SH3PXD2B: variants seen among roughly 807,000 people sequenced by gnomAD.
SH3PXD2B encodes SH3 and PX domain-containing protein 2B.
In SH3PXD2B, 37 loss-of-function variants were observed where a neutral mutation model predicts 73.1. The ratio of observed to expected loss-of-function variants is 0.51; its 90% CI spans 0.39 to 0.67. SH3PXD2B has a LOEUF of 0.67. Among genes scored for constraint, SH3PXD2B ranks in the 30% least tolerant of loss-of-function variants. SH3PXD2B has a pLI of 0.00. For synonymous variants in SH3PXD2B, 457 were observed against 480.5 expected (o/e 0.95, Z 0.64); for missense variants, 1,053 against 1,197.8 (o/e 0.88, Z 1.78).
At chr5:172,330,045 G>C (rs1042919126), downstream of SH3PXD2B, among the ~76,000 whole-genome samples, 4 of 152,154 alleles carry the variant, frequency 2.6e-5, no homozygotes, top group East Asian at 7.7e-4. Flanking sequence ...CTTAGGACCA[G>C]AAGTGTTGTG....
In SH3PXD2B at chr5:172,454,265, G is replaced by A; in HGVS notation, c.75+13C>T. On this transcript the variant is annotated intron_variant, in intron 1 of 12. Transcript: ENST00000311601. ...GCGGGCTCAAGGGGGCGTGGGGGCC[G>A]CGCCGCACTCACATAATGCTTGTTG... The A allele has an allele frequency of 6.3e-7, 1 of 1,593,268 alleles. No individual in the cohort carries two copies. Among genetic ancestry groups the A allele is most frequent in the Non-Finnish European group, 8.5e-7 (1 of 1,173,220 alleles).
rs557473679 is a variant in SH3PXD2B at position 172,347,186 on chromosome 5, G to A, written c.1062+97C>T. 56 of 1,214,988 alleles carry A rather than the reference G, an allele frequency of 4.6e-5. No individual in the cohort carries two copies. In the South Asian group the frequency reaches 6.2e-4, roughly 14 times the overall value. 75.3% of individuals were successfully genotyped at this position (1,214,988 alleles called of 1,614,324 possible). On this transcript the variant is annotated intron_variant, in intron 11 of 12. Transcript: ENST00000311601. ...GGCTGTTGTGTGGACAGGAAAGAGA[G>A]CATTTCTGGAAGGGCGAGGGGTGTG...
At chr5:172,348,871 T>C (rs968352834) in intron 10 of SH3PXD2B, among the ~76,000 whole-genome samples, 12 of 151,912 alleles carry the variant, frequency 7.9e-5, no homozygotes, top group African/African-American at 2.7e-4. Flanking sequence ...CACGCCCAGC[T>C]AATTAAAAAA....
At chr5:172,454,203 T>C (rs965252589) in intron 1 of SH3PXD2B, 75 bp downstream of exon 1, 199 of 1,342,878 alleles carry the variant, frequency 1.5e-4, no homozygotes, top group Middle Eastern at 5.7e-4. Flanking sequence ...GGCAGAAGTT[T>C]TCCAAGCCGG....
intron 4 of SH3PXD2B, among the ~76,000 whole-genome samples, chr5:172,383,786 T>G (rs899517255): frequency 2.0e-5 from 3 of 152,160 alleles, no homozygotes; most frequent in African/African-American, 7.2e-5. Context: ...CTTCTCACCA[T>G]GCTGAGCCTG....
chr5:172,357,502 C>T (rs1433111958), intron 8 of SH3PXD2B, among the ~76,000 whole-genome samples: 1 of 152,116 alleles, frequency 6.6e-6, no homozygotes. Flanking sequence ...GGTCTCGCTC[C>T]CATCTTCTAG....
downstream of SH3PXD2B, among the ~76,000 whole-genome samples, chr5:172,330,923 G>A (rs538160127): frequency 2.6e-5 from 4 of 152,306 alleles, no homozygotes; most frequent in East Asian, 1.9e-4. Context: ...GGCTGGGCGC[G>A]GTGGCTCACG....
chr5:172,339,959 G>C lies in SH3PXD2B; in HGVS notation c.1189-43C>G, dbSNP rs79042273. The C allele has an allele frequency of 1.2e-6, 2 of 1,611,934 alleles. No homozygotes were observed. Among genetic ancestry groups the C allele is most frequent in the Admixed American group, 3.3e-5 (2 of 59,722 alleles). On this transcript the variant is annotated intron_variant, in intron 12 of 12. Coordinates refer to ENST00000311601, the MANE Select transcript of SH3PXD2B (RefSeq NM_001017995.3). This position sits in a 1 kb window ranked among gnomAD's most constrained non-coding sequence, Gnocchi z 6.1. The stretch of plus-strand genomic sequence containing the variant: ...GAAAGGCACTTGGCTACGATGCCAG[G>C]GCCAGCAGATGGAATGGTTTGGCAG...
intron 2 of SH3PXD2B, among the ~76,000 whole-genome samples, chr5:172,414,913 C>T (rs1758785296): frequency 6.6e-6 from 1 of 152,156 alleles, no homozygotes; most frequent in African/African-American, 2.4e-5. Flanking sequence ...GCATGCAATG[C>T]CCTCCCCCAT....
At chr5:172,422,552 C>G (rs1031701426) in intron 1 of SH3PXD2B, 56 bp from the exon 2 acceptor site, 5 of 1,520,796 alleles carry the variant, frequency 3.3e-6, no homozygotes, top group Non-Finnish European at 4.5e-6. Flanking sequence ...CTCCCAATCT[C>G]TGGGACCCAG....
chr5:172,422,415 C>T lies in SH3PXD2B; in HGVS notation c.156+1G>A, dbSNP rs147770326. The T allele has an allele frequency of 6.2e-7, 1 of 1,607,458 alleles. No homozygotes were observed. Among genetic ancestry groups the T allele is most frequent in the African/African-American group, 1.3e-5 (1 of 74,886 alleles). On this transcript the variant is annotated splice_donor_variant, in intron 2 of 12. Transcript: ENST00000311601. LOFTEE classifies it high-confidence loss of function. ...GCTCACCAGAGACCTCAAATCCTTA[C>T]CTGGAGGTCAAAAAACTTGCTGTAG...
At chr5:172,444,531 C>T (rs1759618719) in intron 1 of SH3PXD2B, among the ~76,000 whole-genome samples, 1 of 152,190 alleles carries the variant, frequency 6.6e-6, no homozygotes, top group African/African-American at 2.4e-5. Context: ...CAAATGATAG[C>T]TCTTCTATAC....
chr5:172,328,794 G>C (rs1361443511), downstream of SH3PXD2B, among the ~76,000 whole-genome samples: 1 of 151,892 alleles, frequency 6.6e-6, no homozygotes, highest in African/African-American at 2.4e-5. Flanking sequence ...GAGAGGCTGA[G>C]CTGTGCATAC....
intron 4 of SH3PXD2B, 130 bp from the exon 5 acceptor site, chr5:172,382,257 A>G (rs536101203): frequency 2.9e-6 from 2 of 690,342 alleles, no homozygotes; most frequent in Admixed American, 2.7e-5. Context: ...CGGAGGTTGC[A>G]GTGAGCTGAG....
chr5:172,347,420 A>G, intron 10 of SH3PXD2B, 88 bp from the exon 11 acceptor site: 1 of 1,361,978 alleles, frequency 7.3e-7, no homozygotes, highest in Admixed American at 1.7e-5. Flanking sequence ...TCTCCTGCAG[A>G]AGATTGAACA....
intron 1 of SH3PXD2B, among the ~76,000 whole-genome samples, chr5:172,437,593 C>T (rs910475652): frequency 9.8e-5 from 15 of 152,356 alleles, no homozygotes; most frequent in South Asian, 6.2e-4. Flanking sequence ...CAGAGCTTTC[C>T]GGTCCCCACG....
intron 1 of SH3PXD2B, among the ~76,000 whole-genome samples, chr5:172,441,559 CGAT>C (rs1759550584): frequency 6.6e-6 from 1 of 152,178 alleles, no homozygotes; most frequent in African/African-American, 2.4e-5. Flanking sequence ...ACACCCTAGA[CGAT>C]GATGAACTCA....
chr5:172,372,778 A>T (rs190671770), intron 6 of SH3PXD2B, among the ~76,000 whole-genome samples: 1 of 152,220 alleles, frequency 6.6e-6, no homozygotes, highest in African/African-American at 2.4e-5. Context: ...CACTTCTAGG[A>T]TCTCTGTTCG....
intron 12 of SH3PXD2B, among the ~76,000 whole-genome samples, chr5:172,340,873 G>T (rs1756834575): frequency 6.6e-6 from 1 of 152,202 alleles, no homozygotes; most frequent in African/African-American, 2.4e-5. Flanking sequence ...GGGATTACAG[G>T]TGTGAGCCAC....
Sources: allele counts gnomAD v4.1 joint callset (sites outside exome capture counted in the v4.1 genomes callset), GRCh38; gene constraint gnomAD v4.1.1; non-coding constraint Gnocchi (gnomAD v3.1); transcripts MANE v1.5; gene names NCBI Gene and HGNC (gene_info 2026-07-23, HGNC 2026-07-21).